BBOF1: variants seen among roughly 807,000 people sequenced by gnomAD.
BBOF1 encodes basal body-orientation factor 1.
In BBOF1, 62 loss-of-function variants were observed where a neutral mutation model predicts 68.0. That is an observed-to-expected ratio of 0.91 (90% CI 0.74 to 1.13). The LOEUF is 1.13. BBOF1 is among the 50% of genes most tolerant of loss of function. The pLI is 0.00. For missense variants in BBOF1, 534 were observed against 600.1 expected, an observed-to-expected ratio of 0.89 and a Z score of 1.15; for synonymous variants, 208 against 198.8, an observed-to-expected ratio of 1.05 and a Z score of -0.39.
chr14:74,031,159 G>A (rs2059559857), intron 3 of BBOF1, among the ~76,000 whole-genome samples: 2 of 149,998 alleles, frequency 1.3e-5, no homozygotes, highest in African/African-American at 4.9e-5. Flanking sequence ...TGTTGCCCAA[G>A]CTGGAGTGCA....
At chr14:74,060,820 G>T in intron 11 of BBOF1, 1 of 1,115,452 alleles carries the variant, frequency 9.0e-7, no homozygotes, top group South Asian at 1.2e-5. Context: ...GCTTTTGAAG[G>T]AGGTATTATA....
chr14:74,057,401 T>G (rs1486472649), intron 11 of BBOF1, 143 bp downstream of exon 11: 2 of 1,531,554 alleles, frequency 1.3e-6, no homozygotes, highest in Non-Finnish European at 8.8e-7. Context: ...ATTAGTAGAT[T>G]ACATAAATTT....
intron 11 of BBOF1, chr14:74,058,638 A>G (rs531931301): frequency 5.9e-5 from 9 of 151,642 alleles, no homozygotes; most frequent in Non-Finnish European, 1.3e-4. Context: ...TAACCCCCAT[A>G]GTGTAGGTTA....
Position 74,065,370 on chromosome 14 carries a change from G to C in BBOF1, c.*671G>C. On this transcript the variant is annotated 3_prime_UTR_variant, in exon 12 of 12. Coordinates refer to ENST00000394009, the MANE Select transcript of BBOF1 (RefSeq NM_025057.3). ...AACAGGTCATATTTGGCTGCCAGGAGTGATGCATCCAGAAAAGAAGTCAGC... is the reference window on the plus strand; with the variant it reads ...AACAGGTCATATTTGGCTGCCAGGACTGATGCATCCAGAAAAGAAGTCAGC... 1 of 1,613,584 alleles carries C rather than the reference G, an allele frequency of 6.2e-7. No homozygotes were observed. The highest frequency in any genetic ancestry group is 1.3e-5 in the African/African-American group (1 of 75,046).
chr14:74,041,342 T>A (rs1454766548), intron 5 of BBOF1, among the ~76,000 whole-genome samples: 1 of 152,088 alleles, frequency 6.6e-6, no homozygotes, highest in Non-Finnish European at 1.5e-5. Flanking sequence ...AGCTTCCAAC[T>A]CCAACTTAAT....
chr14:74,067,703 A>G (rs922939907), downstream of BBOF1: 51 of 943,986 alleles, frequency 5.4e-5, no homozygotes, highest in Non-Finnish European at 8.1e-5. Context: ...TGAGAAGGAT[A>G]ACTTGAGGTC....
At chr14:74,044,295 C>T (rs1304507954) in intron 5 of BBOF1, among the ~76,000 whole-genome samples, 2 of 151,730 alleles carry the variant, frequency 1.3e-5, no homozygotes, top group African/African-American at 4.8e-5. Context: ...AAACGACCTC[C>T]TCTAGTTACT....
intron 3 of BBOF1, among the ~76,000 whole-genome samples, chr14:74,033,692 T>C (rs2059629413): frequency 6.6e-6 from 1 of 152,018 alleles, no homozygotes; most frequent in Non-Finnish European, 1.5e-5. Context: ...CTGGCTAACA[T>C]GGTGAAACAC....
At chr14:74,053,921 C>T (rs1199107024) in intron 8 of BBOF1, among the ~76,000 whole-genome samples, 2 of 151,758 alleles carry the variant, frequency 1.3e-5, no homozygotes, top group Non-Finnish European at 2.9e-5. Context: ...GTCACCCAGG[C>T]TGGAGTGCAG....
At chr14:74,066,653 T>A, downstream of BBOF1, 1 of 1,503,426 alleles carries the variant, frequency 6.7e-7, no homozygotes, top group Non-Finnish European at 9.3e-7. Flanking sequence ...TGAGATTCTA[T>A]AGCCTTTAAG....
chr14:74,031,119 C>CTTTTCTTT (rs548452464), intron 3 of BBOF1, among the ~76,000 whole-genome samples: 1 of 143,492 alleles, frequency 7.0e-6, no homozygotes, highest in Non-Finnish European at 1.5e-5. Context: ...CTTTTCTTTT[C>CTTTTCTTT]TTTTTTTTTT....
intron 2 of BBOF1, among the ~76,000 whole-genome samples, chr14:74,025,906 G>T (rs111620017): frequency 1.2e-4 from 14 of 112,502 alleles, no homozygotes; most frequent in African/African-American, 2.2e-4. Flanking sequence ...GTGGCGGGGT[G>T]GGGGGGGTGC....
intron 11 of BBOF1, chr14:74,060,271 A>G (rs1217334956): frequency 4.4e-6 from 1 of 226,290 alleles, no homozygotes; most frequent in Non-Finnish European, 8.9e-6. Context: ...AAATGATGGA[A>G]TTACAGGCGT....
At chr14:74,046,582 G>A (rs1387016424) in intron 6 of BBOF1, among the ~76,000 whole-genome samples, 6 of 151,882 alleles carry the variant, frequency 4.0e-5, no homozygotes, top group African/African-American at 1.5e-4. Flanking sequence ...CATGTTGGCC[G>A]GGCTGATCTC....
intron 9 of BBOF1, 25 bp downstream of exon 9, chr14:74,055,710 ATACCAAGTTGT>A (rs758565967): frequency 6.5e-7 from 1 of 1,535,096 alleles, no homozygotes; most frequent in East Asian, 2.2e-5. Context: ...CTGCAGTGAA[ATACCAAGTTGT>A]TATCAAATCT....
intron 4 of BBOF1, among the ~76,000 whole-genome samples, chr14:74,040,004 A>G (rs1006250736): frequency 1.3e-5 from 2 of 151,928 alleles, no homozygotes; most frequent in Non-Finnish European, 2.9e-5. Flanking sequence ...AAACATATAT[A>G]TATATATTTT....
intron 2 of BBOF1, among the ~76,000 whole-genome samples, chr14:74,023,939 A>AAAAAAAAAAAGAAAAG (rs1555370178): frequency 6.6e-6 from 1 of 151,214 alleles, no homozygotes; most frequent in African/African-American, 2.4e-5. Context: ...AAAAAAAAAA[A>AAAAAAAAAAAGAAAAG]AAAAGAAAAG....
chr14:74,047,176 G>A (rs977584593), intron 6 of BBOF1, among the ~76,000 whole-genome samples: 5 of 152,176 alleles, frequency 3.3e-5, no homozygotes, highest in Non-Finnish European at 1.5e-5. Flanking sequence ...AGGTATATTA[G>A]TGGAAGTACA....
intron 11 of BBOF1, chr14:74,060,586 G>C (rs2060316970): frequency 8.1e-7 from 1 of 1,231,352 alleles, no homozygotes. Context: ...AAATGAAGCT[G>C]GTCAAAAATA....
Sources: allele counts gnomAD v4.1 joint callset (sites outside exome capture counted in the v4.1 genomes callset), GRCh38; gene constraint gnomAD v4.1.1; transcripts MANE v1.5; gene names NCBI Gene and HGNC (gene_info 2026-07-23, HGNC 2026-07-21).